The following ORC2 variants were observed in gnomAD, a reference collection of about 807,000 sequenced individuals.
ORC2 encodes origin recognition complex subunit 2.
ORC2 carries 37 observed loss-of-function variants against 77.7 expected under a neutral mutation model. That is an observed-to-expected ratio of 0.48 (90% CI 0.37 to 0.63). The LOEUF is 0.63. ORC2 is among the 20% of genes least tolerant of loss of function. The pLI is 0.00. For missense variants in ORC2, 557 were observed against 661.9 expected, an observed-to-expected ratio of 0.84 and a Z score of 1.74; for synonymous variants, 201 against 229.5, an observed-to-expected ratio of 0.88 and a Z score of 1.12.
chr2:200,942,508 C>T (rs2041172408), intron 6 of ORC2, among the ~76,000 whole-genome samples, 177 bp downstream of exon 6: 1 of 152,160 alleles, frequency 6.6e-6, no homozygotes, highest in Non-Finnish European at 1.5e-5. Context: ...CTCTTACTGA[C>T]TGCTAAACAC....
intron 11 of ORC2, among the ~76,000 whole-genome samples, chr2:200,929,396 G>T (rs1450898222): frequency 6.6e-6 from 1 of 152,186 alleles, no homozygotes; most frequent in Non-Finnish European, 1.5e-5. Flanking sequence ...TAACTTAGCT[G>T]TCATGGAGAA....
In ORC2 at chr2:200,920,975, T is replaced by C; in HGVS notation, c.1294+18A>G. The C allele has an allele frequency of 6.7e-7, 1 of 1,502,346 alleles. No individual in the cohort carries two copies. The highest frequency in any genetic ancestry group is 8.9e-7 in the Non-Finnish European group (1 of 1,119,586). 93.1% of individuals were successfully genotyped at this position (1,502,346 alleles called of 1,614,324 possible). A position where few individuals can be genotyped will look rare whatever the true frequency, so the allele number is the denominator to read the frequency against. ...AGACTGATATCTCTAGAAGGAAAAA[T>C]AGTAACAATTAACTTACTGAGAGGA... On this transcript the variant is annotated intron_variant, in intron 14 of 17. Coordinates refer to ENST00000234296, the MANE Select transcript of ORC2 (RefSeq NM_006190.5).
chr2:200,927,197 C>T (rs1387363360), intron 11 of ORC2, among the ~76,000 whole-genome samples: 8 of 151,864 alleles, frequency 5.3e-5, no homozygotes, highest in Admixed American at 3.9e-4. Context: ...AACTCTTCAG[C>T]GTCAGTCTCC....
chr2:200,919,123 C>T (rs2040712286), intron 15 of ORC2, among the ~76,000 whole-genome samples: 1 of 152,178 alleles, frequency 6.6e-6, no homozygotes, highest in Admixed American at 6.5e-5. Context: ...AGCCACTGTG[C>T]CTGGCAAGTC....
At chr2:200,926,670 C>T (rs368091701) in intron 12 of ORC2, 98 bp downstream of exon 12, 1 of 1,270,848 alleles carries the variant, frequency 7.9e-7, no homozygotes. Context: ...ACCGTGAAGG[C>T]TAAAACAAAA....
intron 15 of ORC2, among the ~76,000 whole-genome samples, chr2:200,915,001 GTCTT>G (rs2040617869): frequency 3.7e-5 from 4 of 108,858 alleles, no homozygotes; most frequent in African/African-American, 1.4e-4. Flanking sequence ...TTCTTCCCAC[GTCTT>G]TTTTTTTTTT....
At position 200,928,089 on chromosome 2, in the gene ORC2, C is replaced by G. The variant is rs537280142; in HGVS notation, c.918-1189G>C. 6.6e-5 allele frequency among the ~76,000 whole-genome samples: 10 copies of G among 152,208 alleles called. No homozygotes were observed. In the South Asian group the frequency reaches 2.1e-3, roughly 32 times the overall value. ...AATTATTATTGGCCGGGCATGATGG[C>G]TCACGCCTGTAATCCCAGCACTTTG... is the stretch of plus-strand genomic sequence containing the variant. On this transcript the variant is annotated intron_variant, in intron 11 of 17. Transcript: ENST00000234296.
intron 17 of ORC2, 58 bp from the exon 18 acceptor site, chr2:200,911,445 C>G (rs939139784): frequency 1.1e-6 from 1 of 912,150 alleles, no homozygotes; most frequent in African/African-American, 1.7e-5. Context: ...ATGAACTCTT[C>G]TATTGTAGAG....
intron 11 of ORC2, among the ~76,000 whole-genome samples, chr2:200,929,526 C>T (rs776112127): frequency 2.3e-4 from 35 of 152,244 alleles, no homozygotes; most frequent in South Asian, 1.0e-3. Context: ...CGCTGTGGCT[C>T]ACACCTGTAA....
intron 10 of ORC2, among the ~76,000 whole-genome samples, chr2:200,931,786 G>A (rs2040946451): frequency 6.6e-6 from 1 of 152,092 alleles, no homozygotes; most frequent in Non-Finnish European, 1.5e-5. Flanking sequence ...ATTATCATTA[G>A]TAAAATAAAC....
intron 4 of ORC2, among the ~76,000 whole-genome samples, chr2:200,951,398 T>C (rs567766074): frequency 3.0e-4 from 46 of 152,318 alleles, no homozygotes; most frequent in Non-Finnish European, 5.7e-4. Flanking sequence ...ACATAACTAC[T>C]GGATTATATA....
chr2:200,913,265 G>T, intron 17 of ORC2, 30 bp downstream of exon 17: 1 of 1,487,040 alleles, frequency 6.7e-7, no homozygotes, highest in Non-Finnish European at 9.2e-7. Flanking sequence ...ACTATTCCTG[G>T]CATACAATGC....
chr2:200,949,550 A>T lies in ORC2; in HGVS notation c.328+4T>A. On this transcript the variant is annotated splice_donor_region_variant and intron_variant, in intron 5 of 17. Coordinates refer to ENST00000234296, the MANE Select transcript of ORC2 (RefSeq NM_006190.5). ...TAGTTATAGAAATCAGAAAAGCAAC[A>T]TACCTAATTTAGCCATCTTTTCAGA... 2 of 1,482,166 alleles carry T rather than the reference A, an allele frequency of 1.3e-6. No homozygotes were observed. The highest frequency in any genetic ancestry group is 1.9e-6 in the Non-Finnish European group (2 of 1,063,566). 91.8% of individuals were successfully genotyped at this position (1,482,166 alleles called of 1,614,324 possible).
At chr2:200,927,919 C>T (rs2124965151) in intron 11 of ORC2, among the ~76,000 whole-genome samples, 1 of 151,568 alleles carries the variant, frequency 6.6e-6, no homozygotes, top group African/African-American at 2.4e-5. Context: ...AACTCTTGAC[C>T]TCAGGTGATG....
intron 4 of ORC2, among the ~76,000 whole-genome samples, chr2:200,955,141 T>C (rs1282344595): frequency 6.6e-6 from 1 of 152,240 alleles, no homozygotes; most frequent in African/African-American, 2.4e-5. Context: ...ACTGAATTTC[T>C]ACAACAAACA....
At chr2:200,916,517 C>T (rs566335432) in intron 15 of ORC2, among the ~76,000 whole-genome samples, 1 of 152,104 alleles carries the variant, frequency 6.6e-6, no homozygotes, top group South Asian at 2.1e-4. Flanking sequence ...TAGCCAGTGC[C>T]ATATTTAACG....
intron 15 of ORC2, among the ~76,000 whole-genome samples, chr2:200,919,031 A>G (rs1043976838): frequency 6.6e-6 from 1 of 152,022 alleles, no homozygotes. Flanking sequence ...TAGTCTCCCT[A>G]TGTTGCCCAG....
At chr2:200,963,345 A>G (rs907863324) in intron 1 of ORC2, 145 bp downstream of exon 1, 5 of 397,610 alleles carry the variant, frequency 1.3e-5, no homozygotes, top group African/African-American at 1.0e-4. Flanking sequence ...CCATGCCCCA[A>G]GTGCCGAGGG....
rs376868160 is a variant in ORC2 at position 200,950,833 on chromosome 2, C to T, written c.239-1190G>A. ...TCCTAGTGATCTGTATTTCCACCAACGCTTGGTTTTATCCAAACTCCTTAA... is the reference window on the plus strand; with the variant it reads ...TCCTAGTGATCTGTATTTCCACCAATGCTTGGTTTTATCCAAACTCCTTAA... On this transcript the variant is annotated intron_variant, in intron 4 of 17. Transcript: ENST00000234296. Among the ~76,000 whole-genome samples the T allele has an allele frequency of 7.9e-5, 12 of 152,266 alleles. No homozygotes were observed. The East Asian group carries it at 1.9e-3, about 24-fold the overall frequency.
Sources: allele counts gnomAD v4.1 joint callset (sites outside exome capture counted in the v4.1 genomes callset), GRCh38; gene constraint gnomAD v4.1.1; transcripts MANE v1.5; gene names NCBI Gene and HGNC (gene_info 2026-07-23, HGNC 2026-07-21).